Variants in TFCP2 observed in about 807,000 individuals in gnomAD.
TFCP2 encodes the protein alpha-globin transcription factor CP2.
In TFCP2, 33 loss-of-function variants were observed where a neutral mutation model predicts 73.4. The observed-to-expected ratio is 0.45, with a 90% CI of 0.34 to 0.60. The LOEUF is 0.60. Ranked by LOEUF, TFCP2 falls within the 20% of genes least tolerant of loss-of-function variation. TFCP2 has a pLI of 0.01. For synonymous variants in TFCP2, 193 were observed against 211.6 expected, an observed-to-expected ratio of 0.91 and a Z score of 0.76; for missense variants, 352 against 604.0, an observed-to-expected ratio of 0.58 and a Z score of 4.37.
At position 51,105,796 on chromosome 12, in the gene TFCP2, G is replaced by A. The variant is rs553652000; in HGVS notation, c.917+729C>T. Among the ~76,000 whole-genome samples, 17 of 152,248 alleles carry A rather than the reference G, an allele frequency of 1.1e-4. No homozygotes were observed. The East Asian group carries it at 3.3e-3, about 29-fold the overall frequency. On this transcript the variant is annotated intron_variant, in intron 8 of 14. Transcript: ENST00000257915. ...CTTTAAAAAGTAGGTCAGACATAGA[G>A]CCTAAATAAATCCAAAACCACAAAC...
chr12:51,128,085 A>G (rs1318272748), intron 1 of TFCP2, among the ~76,000 whole-genome samples: 1 of 151,832 alleles, frequency 6.6e-6, no homozygotes, highest in Non-Finnish European at 1.5e-5. Context: ...ATGCCCAGCT[A>G]ATTTTTGTAT....
At chr12:51,128,475 TAATA>T (rs1940863277) in intron 1 of TFCP2, among the ~76,000 whole-genome samples, 30 of 47,086 alleles carry the variant, frequency 6.4e-4, no homozygotes, top group African/African-American at 2.1e-3. Context: ...TAAAGTATAA[TAATA>T]AAAAAAAAAA....
intron 1 of TFCP2, among the ~76,000 whole-genome samples, chr12:51,147,359 A>T (rs1941320151): frequency 6.6e-6 from 1 of 152,114 alleles, no homozygotes; most frequent in African/African-American, 2.4e-5. Flanking sequence ...GAAAGAAAGA[A>T]AGAAAATTAA....
rs60318954 is a variant in TFCP2 at position 51,149,024 on chromosome 12, C to CAA, written c.122+23275_122+23276dup. Among the ~76,000 whole-genome samples, 19 of 38,012 alleles carry CAA rather than the reference C, an allele frequency of 5.0e-4. 1 individual carries two copies. The highest frequency in any genetic ancestry group is 8.3e-4 in the Non-Finnish European group (17 of 20,400). The allele number at this position is 38,012 out of a possible 152,430, so 24.9% of individuals were successfully genotyped here. A position where few individuals can be genotyped will look rare whatever the true frequency, so the allele number is the denominator to read the frequency against. On this transcript the variant is annotated intron_variant, in intron 1 of 14. Coordinates refer to ENST00000257915, the MANE Select transcript of TFCP2 (RefSeq NM_005653.5). Reference sequence around the variant, plus strand: ...TGAGCAACAGAGCAAGACTCCATCTCAAAAAAAAAAAAAAAAACAGAAAGA... The same window carrying CAA: ...TGAGCAACAGAGCAAGACTCCATCTCAAAAAAAAAAAAAAAAAAACAGAAAGA...
chr12:51,106,809 A>C, intron 7 of TFCP2, 196 bp from the exon 8 acceptor site: 1 of 544,626 alleles, frequency 1.8e-6, no homozygotes, highest in Non-Finnish European at 3.2e-6. Context: ...TAGGACTTCT[A>C]AAAAGAAATA....
chr12:51,102,676 GA>G (rs1940139575), intron 10 of TFCP2, among the ~76,000 whole-genome samples: 1 of 152,170 alleles, frequency 6.6e-6, no homozygotes, highest in Non-Finnish European at 1.5e-5. Context: ...AGTGAGCTAA[GA>G]TTGTGCTTCT....
chr12:51,109,295 G>C lies in TFCP2; in HGVS notation c.565-22C>G, dbSNP rs375997899. ...GCACCTGAAAAGAATACAACAGCAA[G>C]GCTTCAGTACCGCTAGCTAGCCAAA... On this transcript the variant is annotated intron_variant, in intron 5 of 14. Transcript: ENST00000257915. 14 of 1,613,466 alleles carry C rather than the reference G, an allele frequency of 8.7e-6. No homozygotes were observed. The African/African-American group carries it at 1.9e-4, about 22-fold the overall frequency.
chr12:51,099,805 G>C, intron 11 of TFCP2, 26 bp from the exon 12 acceptor site: 2 of 1,610,448 alleles, frequency 1.2e-6, no homozygotes, highest in Non-Finnish European at 1.7e-6. Flanking sequence ...AGGCTAATTA[G>C]TCTTACATTC....
At chr12:51,141,905 C>CAAAA (rs34943578) in intron 1 of TFCP2, among the ~76,000 whole-genome samples, 1 of 63,502 alleles carries the variant, frequency 1.6e-5, no homozygotes. Context: ...GACTCTGTCT[C>CAAAA]AAAAAAAAAA....
At chr12:51,097,392 C>T (rs1282573490) in intron 13 of TFCP2, among the ~76,000 whole-genome samples, 1 of 152,092 alleles carries the variant, frequency 6.6e-6, no homozygotes, top group Non-Finnish European at 1.5e-5. Context: ...GGATTATAGG[C>T]ACCTGCCATC....
chr12:51,099,036 A>G, intron 12 of TFCP2, 118 bp from the exon 13 acceptor site: 1 of 1,133,894 alleles, frequency 8.8e-7, no homozygotes, highest in East Asian at 2.6e-5. Context: ...GCCTAAGTTC[A>G]AATCCTGGCT....
chr12:51,118,856 T>C, intron 1 of TFCP2, 84 bp from the exon 2 acceptor site: 2 of 1,344,938 alleles, frequency 1.5e-6, no homozygotes, highest in Non-Finnish European at 2.0e-6. Flanking sequence ...CTGCAATGCT[T>C]TGGAAAGCCA....
intron 1 of TFCP2, among the ~76,000 whole-genome samples, chr12:51,137,868 T>C (rs542097549): frequency 3.3e-5 from 5 of 152,322 alleles, no homozygotes; most frequent in South Asian, 2.1e-4. Flanking sequence ...TAGCCCTTTA[T>C]AGTGCTGAGC....
At chr12:51,129,896 C>A (rs1034338804) in intron 1 of TFCP2, among the ~76,000 whole-genome samples, 1 of 151,028 alleles carries the variant, frequency 6.6e-6, no homozygotes, top group African/African-American at 2.4e-5. Flanking sequence ...CACCTACAAT[C>A]CCAGCAATTT....
chr12:51,111,052 T>G, intron 4 of TFCP2, 69 bp from the exon 5 acceptor site: 1 of 1,067,348 alleles, frequency 9.4e-7, no homozygotes. Flanking sequence ...AAAGCATTGA[T>G]TCTTATATTA....
chr12:51,160,998 C>T (rs1437986049), intron 1 of TFCP2, among the ~76,000 whole-genome samples: 1 of 152,190 alleles, frequency 6.6e-6, no homozygotes, highest in Non-Finnish European at 1.5e-5. Flanking sequence ...CTGTTTCACA[C>T]ATGCACACCC....
At chr12:51,139,000 T>C (rs1425001325) in intron 1 of TFCP2, among the ~76,000 whole-genome samples, 4 of 152,214 alleles carry the variant, frequency 2.6e-5, no homozygotes, top group Admixed American at 6.5e-5. Flanking sequence ...TCCCTAGAGA[T>C]GTAACCAGTT....
intron 11 of TFCP2, 44 bp downstream of exon 11, chr12:51,101,891 T>C: frequency 5.4e-6 from 7 of 1,299,916 alleles, no homozygotes; most frequent in Non-Finnish European, 7.8e-6. Flanking sequence ...TCCAAATCCA[T>C]TTGGAATCCC....
chr12:51,137,395 G>A (rs1191252096), intron 1 of TFCP2, among the ~76,000 whole-genome samples: 1 of 152,114 alleles, frequency 6.6e-6, no homozygotes, highest in East Asian at 1.9e-4. Context: ...TTTGGAAGCT[G>A]AAAAGTATCT....
Sources: gnomAD v4.1 joint callset for allele counts (sites outside exome capture counted in the v4.1 genomes callset) on GRCh38, gnomAD v4.1.1 for gene constraint, MANE v1.5 for transcripts, NCBI Gene and HGNC (gene_info 2026-07-23, HGNC 2026-07-21) for gene names.